The following STK32B variants were observed in gnomAD, a reference collection of about 807,000 sequenced individuals.
The protein encoded by STK32B is serine/threonine-protein kinase 32B.
A neutral mutation model predicts 52.6 loss-of-function variants in STK32B; 43 were observed. The ratio of observed to expected loss-of-function variants is 0.82; its 90% CI spans 0.64 to 1.05. STK32B has a LOEUF of 1.05. Ranked by LOEUF, STK32B falls within the 50% of genes least tolerant of loss-of-function variation. The pLI, the probability that STK32B is intolerant of heterozygous loss-of-function variation, is 0.00. For synonymous variants in STK32B, 238 were observed against 204.3 expected (o/e 1.17, Z -1.41); for missense variants, 621 against 534.6 (o/e 1.16, Z -1.59).
chr4:5,369,278 A>C (rs1735075665), intron 4 of STK32B, among the ~76,000 whole-genome samples: 1 of 151,928 alleles, frequency 6.6e-6, no homozygotes, highest in Admixed American at 6.6e-5. Flanking sequence ...AAGATTTCAC[A>C]GTGCCCAGCT....
chr4:5,083,452 T>C (rs1712546335), intron 1 of STK32B, among the ~76,000 whole-genome samples: 2 of 152,208 alleles, frequency 1.3e-5, no homozygotes, highest in African/African-American at 4.8e-5. Flanking sequence ...TTGAGCCTAA[T>C]TTTCTGAATG....
chr4:5,358,709 A>ACACT (rs1734340019), intron 4 of STK32B, among the ~76,000 whole-genome samples: 1 of 151,880 alleles, frequency 6.6e-6, no homozygotes, highest in African/African-American at 2.4e-5. Flanking sequence ...ATGCACACAC[A>ACACT]CACACACACA....
chr4:5,270,079 A>G (rs1727323840), intron 3 of STK32B, among the ~76,000 whole-genome samples: 1 of 152,208 alleles, frequency 6.6e-6, no homozygotes, highest in Admixed American at 6.5e-5. Context: ...AAAAAACTCA[A>G]GAAATTTGGA....
intron 3 of STK32B, among the ~76,000 whole-genome samples, chr4:5,305,002 A>G (rs1317022159): frequency 6.6e-6 from 1 of 152,044 alleles, no homozygotes; most frequent in Non-Finnish European, 1.5e-5. Context: ...ATTGACTTAC[A>G]TATGTGAAAT....
intron 2 of STK32B, among the ~76,000 whole-genome samples, chr4:5,165,203 G>A (rs1718775167): frequency 6.6e-6 from 1 of 152,148 alleles, no homozygotes; most frequent in Non-Finnish European, 1.5e-5. Flanking sequence ...CATCAAGCTG[G>A]CCAAGACCCC....
rs1002491434 is a variant in STK32B, at chr4:5,378,524, G to T, written c.435-19683G>T. On this transcript the variant is annotated intron_variant, in intron 4 of 11. Transcript: ENST00000282908. The surrounding 1 kb of genome is among the most constrained non-coding windows in gnomAD (Gnocchi z 4.4). Reference sequence around the variant, plus strand: ...TAATTCCTATGCCCTTTATCTTTCTGTTTTCTTCTTTTTTTGCATTCTATA... The same window carrying T: ...TAATTCCTATGCCCTTTATCTTTCTTTTTTCTTCTTTTTTTGCATTCTATA... Among the ~76,000 whole-genome samples, 1 of 151,830 alleles carries T rather than the reference G, an allele frequency of 6.6e-6. No homozygotes were observed. The highest frequency in any genetic ancestry group is 2.4e-5 in the African/African-American group (1 of 41,314).
In STK32B at chr4:5,398,122, G is replaced by A. The variant is rs1737040093; in HGVS notation, c.435-85G>A. On this transcript the variant is annotated intron_variant, in intron 4 of 11. Transcript: ENST00000282908. The surrounding 1 kb of genome is among the most constrained non-coding windows in gnomAD (Gnocchi z 4.9). The stretch of plus-strand genomic sequence containing the variant: ...AGAGGTGAGCAGCCTGGGTGTTCCA[G>A]CATTTGTCCTGATGTGGTGCTTGTC... 2.0e-6 allele frequency: 3 copies of A among 1,507,038 alleles called. No individual in the cohort carries two copies. Among genetic ancestry groups the A allele is most frequent in the East Asian group, 2.3e-5 (1 of 44,208 alleles). The allele number at this position is 1,507,038 out of a possible 1,614,324, so 93.4% of individuals were successfully genotyped here.
intron 4 of STK32B, among the ~76,000 whole-genome samples, chr4:5,351,763 AAAG>A: frequency 6.6e-6 from 1 of 152,162 alleles, no homozygotes; most frequent in Admixed American, 6.5e-5. Context: ...CAGAAATGAC[AAAG>A]AAGACATTAC....
chr4:5,471,337 G>T (rs188195394), intron 11 of STK32B, among the ~76,000 whole-genome samples: 1 of 152,150 alleles, frequency 6.6e-6, no homozygotes, highest in Non-Finnish European at 1.5e-5. Context: ...AACATGACTG[G>T]TGTCTGTCCT....
chr4:5,466,486 G>A (rs765328742), intron 9 of STK32B, among the ~76,000 whole-genome samples: 1 of 152,154 alleles, frequency 6.6e-6, no homozygotes, highest in African/African-American at 2.4e-5. Context: ...ACAGGAGTGC[G>A]GTTGCCCCAG....
the STK32B span, among the ~76,000 whole-genome samples, chr4:5,037,322 T>C: frequency 1.6e-3 from 241 of 152,336 alleles, no homozygotes; most frequent in South Asian, 2.9e-3. Context: ...CCCATTCATT[T>C]TTATTAAGCC....
chr4:5,128,402 T>G (rs1201422821), intron 1 of STK32B, among the ~76,000 whole-genome samples: 1 of 152,226 alleles, frequency 6.6e-6, no homozygotes, highest in Non-Finnish European at 1.5e-5. Flanking sequence ...TTGTCCTGAA[T>G]TCCACATTTC....
At chr4:5,020,676 CAGAGA>C in the STK32B span, among the ~76,000 whole-genome samples, 1 of 152,098 alleles carries the variant, frequency 6.6e-6, no homozygotes, top group South Asian at 2.1e-4. Flanking sequence ...CTCTTGCAGG[CAGAGA>C]TGAGTTGGGG....
intron 2 of STK32B, among the ~76,000 whole-genome samples, chr4:5,159,970 T>C (rs1718309909): frequency 6.6e-6 from 1 of 151,920 alleles, no homozygotes; most frequent in Non-Finnish European, 1.5e-5. Flanking sequence ...TCCTGGGAAG[T>C]CAGTCTTTTA....
At chr4:5,429,810 T>C (rs1713418363) in intron 6 of STK32B, among the ~76,000 whole-genome samples, 2 of 152,140 alleles carry the variant, frequency 1.3e-5, no homozygotes, top group Admixed American at 6.5e-5. Context: ...AGAATCTTTA[T>C]TTCCTTATAT....
chr4:5,347,803 G>A (rs568192922), intron 4 of STK32B, among the ~76,000 whole-genome samples: 1 of 152,132 alleles, frequency 6.6e-6, no homozygotes, highest in African/African-American at 2.4e-5. Context: ...TCTTTCTCCT[G>A]TTCTGCCATG....
At chr4:5,032,173 GAA>G in the STK32B span, among the ~76,000 whole-genome samples, 164 of 129,062 alleles carry the variant, frequency 1.3e-3, no homozygotes, top group African/African-American at 4.2e-3. Flanking sequence ...CTCCTAGAAA[GAA>G]AAAAAAAAAA....
chr4:5,270,998 T>C (rs1348332304), intron 3 of STK32B, among the ~76,000 whole-genome samples: 1 of 131,468 alleles, frequency 7.6e-6, no homozygotes, highest in Non-Finnish European at 1.6e-5. Flanking sequence ...AGTGCAGGGG[T>C]GCGATCTCAG....
intron 4 of STK32B, among the ~76,000 whole-genome samples, chr4:5,383,872 C>T (rs1736084118): frequency 6.6e-6 from 1 of 152,186 alleles, no homozygotes; most frequent in Admixed American, 6.5e-5. Context: ...GGGATAAAGT[C>T]TCTGCTGTCA....
Sources: gnomAD v4.1 joint callset for allele counts (sites outside exome capture counted in the v4.1 genomes callset) on GRCh38, gnomAD v4.1.1 for gene constraint, Gnocchi (gnomAD v3.1) non-coding constraint, MANE v1.5 for transcripts, NCBI Gene and HGNC (gene_info 2026-07-23, HGNC 2026-07-21) for gene names.